Variants in RAP1B observed in about 807,000 individuals in gnomAD.
The protein encoded by RAP1B is ras-related protein Rap-1b.
RAP1B carries 1 observed loss-of-function variant against 27.5 expected under a neutral mutation model. That is an observed-to-expected ratio of 0.04 (90% CI 0.01 to 0.17). The LOEUF is 0.17. Ranked by LOEUF, RAP1B falls within the 10% of genes least tolerant of loss-of-function variation. RAP1B has a pLI of 1.00. For missense variants in RAP1B, 84 were observed against 214.8 expected, an observed-to-expected ratio of 0.39 and a Z score of 3.81; for synonymous variants, 75 against 73.1, an observed-to-expected ratio of 1.03 and a Z score of -0.13.
intron 1 of RAP1B, chr12:68,627,252 T>C: frequency 8.6e-7 from 1 of 1,163,468 alleles, no homozygotes; most frequent in South Asian, 1.2e-5. Context: ...CCAGGGTCCC[T>C]TAGAGCAACC....
chr12:68,638,421 T>C (rs1872770443), intron 1 of RAP1B, among the ~76,000 whole-genome samples: 1 of 152,194 alleles, frequency 6.6e-6, no homozygotes, highest in Non-Finnish European at 1.5e-5. Context: ...TTGCATCTTG[T>C]CCTGGTTGAG....
Position 68,665,295 on chromosome 12 carries a change from G to A in RAP1B, c.*6046G>A, listed in dbSNP as rs2135980802. 6.6e-6 allele frequency: 1 copy of A among 152,188 alleles called. No homozygotes were observed. Among genetic ancestry groups the A allele is most frequent in the Non-Finnish European group, 1.5e-5 (1 of 67,952 alleles). The allele number at this position is 152,188 out of a possible 1,614,324, so 9.4% of individuals were successfully genotyped here. A position where few individuals can be genotyped will look rare whatever the true frequency, so the allele number is the denominator to read the frequency against. On this transcript the variant is annotated 3_prime_UTR_variant, in exon 8 of 8. Coordinates refer to ENST00000250559, the MANE Select transcript of RAP1B (RefSeq NM_001010942.3). ...AAAGATAACCCAGAGAGGGGTAATGGTAGAGCCAGAATTAACACAGCCAGC... is the reference window on the plus strand; with the variant it reads ...AAAGATAACCCAGAGAGGGGTAATGATAGAGCCAGAATTAACACAGCCAGC...
chr12:68,628,764 A>G (rs1294680910), intron 1 of RAP1B, among the ~76,000 whole-genome samples: 1 of 152,224 alleles, frequency 6.6e-6, no homozygotes, highest in East Asian at 1.9e-4. Context: ...GTTTTAATTG[A>G]AATTAAATAA....
intron 1 of RAP1B, among the ~76,000 whole-genome samples, chr12:68,626,213 A>G (rs17120790): frequency 0.18 from 26,817 of 152,210 alleles, 3,041 homozygotes; most frequent in South Asian, 0.45. Context: ...GCATTCTTCC[A>G]TTCATGAAAA....
intron 1 of RAP1B, among the ~76,000 whole-genome samples, chr12:68,612,420 CT>C (rs963161897): frequency 2.6e-5 from 4 of 152,104 alleles, no homozygotes; most frequent in Non-Finnish European, 4.4e-5. Flanking sequence ...AGTCATGGGA[CT>C]TTTTAAGGGC....
intron 1 of RAP1B, among the ~76,000 whole-genome samples, chr12:68,625,838 C>G (rs567433809): frequency 1.3e-5 from 2 of 151,930 alleles, no homozygotes; most frequent in South Asian, 4.1e-4. Context: ...AAGAGAATTG[C>G]TTGAATCCAG....
At chr12:68,647,368 GCCCCCCACTCCACTCCCCGCCCC>G (rs1873485552) in intron 1 of RAP1B, among the ~76,000 whole-genome samples, 1 of 44,762 alleles carries the variant, frequency 2.2e-5, no homozygotes, top group Non-Finnish European at 4.0e-5. Context: ...CCCTGTCCCT[GCCCCCCACTCCACTCCCCGCCCC>G]CCCCCCCCCC....
intron 5 of RAP1B, among the ~76,000 whole-genome samples, chr12:68,655,983 T>TCTA (rs1423617844): frequency 6.6e-6 from 1 of 152,144 alleles, no homozygotes; most frequent in Non-Finnish European, 1.5e-5. Context: ...TATGTAAAAG[T>TCTA]GTCTTATTTA....
chr12:68,613,411 A>T lies in RAP1B; in HGVS notation c.-27+2368A>T, dbSNP rs961093451. On this transcript the variant is annotated intron_variant, in intron 1 of 7. Coordinates refer to ENST00000250559, the MANE Select transcript of RAP1B (RefSeq NM_001010942.3). ...TCTTAAAAAAAAAAAAAAAAAAAGG[A>T]GATAAGAAAATGATTGCTCTGCTCT... Among the ~76,000 whole-genome samples the T allele has an allele frequency of 2.9e-5, 4 of 140,316 alleles. No individual in the cohort carries two copies. The Admixed American group carries it at 2.9e-4, about 10-fold the overall frequency. 92.1% of individuals were successfully genotyped at this position (140,316 alleles called of 152,430 possible).
chr12:68,623,881 C>T (rs1041604760), intron 1 of RAP1B, among the ~76,000 whole-genome samples: 2 of 152,170 alleles, frequency 1.3e-5, no homozygotes, highest in Admixed American at 6.5e-5. Flanking sequence ...CTTAGCCGGG[C>T]ATGGTGGCGC....
At position 68,666,336 on chromosome 12, in the gene RAP1B, G is replaced by A. The variant is rs570257865; in HGVS notation, c.*7087G>A. 4 of 152,280 alleles carry A rather than the reference G, an allele frequency of 2.6e-5. No homozygotes were observed. Among genetic ancestry groups the A allele is most frequent in the African/African-American group, 9.6e-5 (4 of 41,558 alleles). The allele number at this position is 152,280 out of a possible 1,614,324, so 9.4% of individuals were successfully genotyped here. A position where few individuals can be genotyped will look rare whatever the true frequency, so the allele number is the denominator to read the frequency against. On this transcript the variant is annotated 3_prime_UTR_variant, in exon 8 of 8. Coordinates refer to ENST00000250559, the MANE Select transcript of RAP1B (RefSeq NM_001010942.3). ...TCTATTGTTTTCTAAAAAAAAGTTA[G>A]TGTCCTAGTTTAAAAGTATATATTA...
intron 1 of RAP1B, among the ~76,000 whole-genome samples, chr12:68,633,802 G>A (rs1872435835): frequency 6.6e-6 from 1 of 152,146 alleles, no homozygotes. Context: ...CTTGGGAGGT[G>A]GAGGTTGCAG....
chr12:68,634,913 C>T (rs992905049), intron 1 of RAP1B, among the ~76,000 whole-genome samples: 2 of 152,050 alleles, frequency 1.3e-5, no homozygotes, highest in Admixed American at 1.3e-4. Flanking sequence ...ATGAAAAGGG[C>T]AAGGGAATTT....
In RAP1B at chr12:68,656,211, A is replaced by G. The variant is rs1176340476; in HGVS notation, c.325-95A>G. ...TTTAATATTTTTTGTGGCATATGAA[A>G]AGTAATTCTTAGATTTGACTCTTAG... is the stretch of plus-strand genomic sequence containing the variant. On this transcript the variant is annotated intron_variant, in intron 5 of 7. Transcript: ENST00000250559. The G allele has an allele frequency of 2.7e-5, 31 of 1,134,714 alleles. No individual in the cohort carries two copies. In the Admixed American group the frequency reaches 3.1e-4, roughly 11 times the overall value. The allele number at this position is 1,134,714 out of a possible 1,614,324, so 70.3% of individuals were successfully genotyped here. A position where few individuals can be genotyped will look rare whatever the true frequency, so the allele number is the denominator to read the frequency against.
At chr12:68,625,916 G>T (rs1408686595) in intron 1 of RAP1B, among the ~76,000 whole-genome samples, 1 of 147,248 alleles carries the variant, frequency 6.8e-6, no homozygotes, top group Non-Finnish European at 1.5e-5. Context: ...GCGAGACTCT[G>T]TCTCAAAAAA....
At chr12:68,612,568 A>G (rs1870683222) in intron 1 of RAP1B, among the ~76,000 whole-genome samples, 1 of 152,226 alleles carries the variant, frequency 6.6e-6, no homozygotes, top group South Asian at 2.1e-4. Context: ...CAACATGGAG[A>G]AAGAAATACA....
Position 68,620,242 on chromosome 12 carries a change from GTCTC to G in RAP1B, c.-27+9203_-27+9206del, listed in dbSNP as rs369153441. Among the ~76,000 whole-genome samples the G allele has an allele frequency of 1.7e-4, 25 of 149,630 alleles. No individual in the cohort carries two copies. The East Asian group carries it at 2.7e-3, about 16-fold the overall frequency. On this transcript the variant is annotated intron_variant, in intron 1 of 7. Transcript: ENST00000250559. ...TTATTTTTATTTTTTTTAAGACTGA[GTCTC>G]TCTATTGTCACCCAGGATGGACTGT...
chr12:68,639,618 C>T (rs1740098878), intron 1 of RAP1B, among the ~76,000 whole-genome samples: 1 of 152,170 alleles, frequency 6.6e-6, no homozygotes, highest in African/African-American at 2.4e-5. Flanking sequence ...TTTTGCTACA[C>T]AGCTGAGGAA....
At chr12:68,656,471 A>G (rs1015564146) in intron 6 of RAP1B, 22 bp downstream of exon 6, 3 of 1,589,494 alleles carry the variant, frequency 1.9e-6, no homozygotes, top group Admixed American at 3.3e-5. Flanking sequence ...TATACTTAAA[A>G]TGGGTCTTCA....
Sources: allele counts gnomAD v4.1 joint callset (sites outside exome capture counted in the v4.1 genomes callset), GRCh38; gene constraint gnomAD v4.1.1; transcripts MANE v1.5; gene names NCBI Gene and HGNC (gene_info 2026-07-23, HGNC 2026-07-21).